Variants in AFG2A observed in about 807,000 individuals in gnomAD.
AFG2A encodes AAA ATPase AFG2A, also known as ATPase family gene 2 protein homolog A.
At chr4:122,949,615 A>G in the AFG2A span, among the ~76,000 whole-genome samples, 1 of 152,164 alleles carries the variant, frequency 6.6e-6, no homozygotes, top group Non-Finnish European at 1.5e-5. Flanking sequence ...TAGTGGGTAC[A>G]AGAAAGGACA....
At chr4:123,039,224 A>G in the AFG2A span, among the ~76,000 whole-genome samples, 1 of 152,084 alleles carries the variant, frequency 6.6e-6, no homozygotes, top group South Asian at 2.1e-4. Flanking sequence ...GAATAAAGAA[A>G]TCTCTTCACT....
At chr4:122,972,866 G>GTA in the AFG2A span, among the ~76,000 whole-genome samples, 1 of 151,924 alleles carries the variant, frequency 6.6e-6, no homozygotes, top group African/African-American at 2.4e-5. Context: ...GATATTCCAG[G>GTA]TATGCTGGAA....
the AFG2A span, among the ~76,000 whole-genome samples, chr4:122,940,202 G>A: frequency 1.4e-4 from 21 of 151,920 alleles, no homozygotes; most frequent in African/African-American, 3.9e-4. Context: ...CTGAGGAATC[G>A]CCACACTGAC....
At chr4:123,054,033 A>G in the AFG2A span, among the ~76,000 whole-genome samples, 1 of 152,218 alleles carries the variant, frequency 6.6e-6, no homozygotes, top group African/African-American at 2.4e-5. Context: ...TTCCAGGTTC[A>G]CTACTGAGAC....
chr4:123,096,128 C>G, the AFG2A span, among the ~76,000 whole-genome samples: 1 of 152,076 alleles, frequency 6.6e-6, no homozygotes, highest in Non-Finnish European at 1.5e-5. Flanking sequence ...ATGTAGCACA[C>G]TAGGCTGGTG....
At chr4:123,026,624 CTTATG>C in the AFG2A span, among the ~76,000 whole-genome samples, 1 of 152,162 alleles carries the variant, frequency 6.6e-6, no homozygotes, top group Admixed American at 6.5e-5. Flanking sequence ...TTGTACTGTA[CTTATG>C]TTATAAAGCA....
chr4:122,995,984 C>T, the AFG2A span, among the ~76,000 whole-genome samples: 3 of 152,294 alleles, frequency 2.0e-5, no homozygotes, highest in Middle Eastern at 3.4e-3. Context: ...TCATTTATCT[C>T]GCCCTTTAGT....
At chr4:123,276,132 C>T in the AFG2A span, among the ~76,000 whole-genome samples, 1 of 152,070 alleles carries the variant, frequency 6.6e-6, no homozygotes, top group Non-Finnish European at 1.5e-5. Flanking sequence ...TTTTCCCTGA[C>T]ACCTCACCAG....
the AFG2A span, among the ~76,000 whole-genome samples, chr4:123,310,299 T>G: frequency 6.6e-6 from 1 of 152,046 alleles, no homozygotes; most frequent in African/African-American, 2.4e-5. Flanking sequence ...CACATGACTT[T>G]GAAAACACTA....
At chr4:123,029,896 C>A in the AFG2A span, among the ~76,000 whole-genome samples, 15 of 152,158 alleles carry the variant, frequency 9.9e-5, no homozygotes, top group Non-Finnish European at 1.9e-4. Context: ...CCTTACCCTC[C>A]CAAAGTGCTG....
chr4:123,150,285 C>T, the AFG2A span, among the ~76,000 whole-genome samples: 1 of 152,208 alleles, frequency 6.6e-6, no homozygotes, highest in Admixed American at 6.5e-5. Flanking sequence ...GGCAATCAGG[C>T]AAGAGAAAGA....
At chr4:123,164,369 ATTTTTTGTTT>A in the AFG2A span, among the ~76,000 whole-genome samples, 1 of 95,128 alleles carries the variant, frequency 1.1e-5, no homozygotes, top group Non-Finnish European at 2.9e-5. Flanking sequence ...TTTTTGTTTT[ATTTTTTGTTT>A]TTGAGACAGA....
the AFG2A span, among the ~76,000 whole-genome samples, chr4:123,210,917 A>G: frequency 6.6e-6 from 1 of 152,056 alleles, no homozygotes; most frequent in East Asian, 1.9e-4. Flanking sequence ...TTGGCCTGTC[A>G]AATCATGGTA....
the AFG2A span, among the ~76,000 whole-genome samples, chr4:123,016,190 G>A: frequency 8.3e-6 from 1 of 120,758 alleles, no homozygotes. Context: ...CTCCCGGACG[G>A]GGCGGCTGGC....
the AFG2A span, among the ~76,000 whole-genome samples, chr4:123,178,703 G>T: frequency 6.6e-6 from 1 of 151,926 alleles, no homozygotes. Context: ...CTAAAAATTG[G>T]GCTGTTTTTT....
At chr4:123,025,631 C>T in the AFG2A span, among the ~76,000 whole-genome samples, 1 of 151,958 alleles carries the variant, frequency 6.6e-6, no homozygotes, top group South Asian at 2.1e-4. Flanking sequence ...AACAATCTAC[C>T]TCATCATTTA....
chr4:123,124,136 G>A, the AFG2A span, among the ~76,000 whole-genome samples: 1 of 151,938 alleles, frequency 6.6e-6, no homozygotes, highest in African/African-American at 2.4e-5. Context: ...TTCCATTACT[G>A]GGTATATACC....
chr4:123,190,858 C>T, the AFG2A span, among the ~76,000 whole-genome samples: 13 of 152,288 alleles, frequency 8.5e-5, no homozygotes, highest in Middle Eastern at 3.4e-3. Flanking sequence ...AAACTTGGCA[C>T]TTAAAGTTAG....
At chr4:123,140,512 A>AC in the AFG2A span, among the ~76,000 whole-genome samples, 3 of 139,906 alleles carry the variant, frequency 2.1e-5, no homozygotes, top group African/African-American at 8.8e-5. Flanking sequence ...TTTTTTTTTA[A>AC]AAAAGCGATT....
Sources: gnomAD v4.1 joint callset for allele counts (sites outside exome capture counted in the v4.1 genomes callset) on GRCh38, gnomAD v4.1.1 for gene constraint, MANE v1.5 for transcripts, NCBI Gene and HGNC (gene_info 2026-07-23, HGNC 2026-07-21) for gene names.